The following NBPF10 variants were observed in gnomAD, a reference collection of about 807,000 sequenced individuals.
NBPF10 encodes NBPF family member NBPF10.
NBPF10 carries 63 observed loss-of-function variants against 77.9 expected under a neutral mutation model. The observed-to-expected ratio is 0.81, with a 90% CI of 0.66 to 1.00. The LOEUF (loss-of-function observed/expected upper bound fraction) is 1.00. Ranked by LOEUF, NBPF10 falls within the 50% of genes least tolerant of loss-of-function variation. The probability of loss-of-function intolerance (pLI) is 0.00; values close to 1 mark genes in which losing one functional copy is unlikely to be tolerated. For synonymous variants in NBPF10, 146 were observed against 264.5 expected (o/e 0.55, Z 4.35); for missense variants, 522 against 679.8 (o/e 0.77, Z 2.58).
chr1:146,109,305 CAGAT>C (rs1156506051), intron 35 of NBPF10, among the ~76,000 whole-genome samples, 191 bp from the exon 36 acceptor site: 3 of 102,302 alleles, frequency 2.9e-5, no homozygotes, highest in African/African-American at 1.0e-4. Context: ...AAGAGAAAGA[CAGAT>C]AGACACACAC....
chr1:146,123,436 C>T (rs1658308110), intron 17 of NBPF10, among the ~76,000 whole-genome samples, 158 bp from the exon 18 acceptor site: 2 of 21,344 alleles, frequency 9.4e-5, no homozygotes, highest in African/African-American at 2.0e-4. Flanking sequence ...TGGGACAGAA[C>T]AGGGCCAAAT....
At chr1:146,137,043 G>C (rs1328010947) in intron 6 of NBPF10, among the ~76,000 whole-genome samples, 3 of 137,662 alleles carry the variant, frequency 2.2e-5, no homozygotes, top group African/African-American at 7.4e-5. Flanking sequence ...TGTTAATTTA[G>C]AAACAGCAGA....
exon 14 of NBPF10, chr1:146,126,266 G>C (rs1553789863): frequency 3.7e-6 from 6 of 1,608,466 alleles, no homozygotes; most frequent in Non-Finnish European, 4.2e-6. Context: ...CCAACACGCT[G>C]TTGCTCCAAT....
rs782058523 is a variant in NBPF10 at position 146,127,127 on chromosome 1, A to T, written c.1802-48T>A. ...CCTCTTACATTAAGTTCTTCCTTGC[A>T]CACAGAAACATTCCTCTGTCCAATC... is the stretch of plus-strand genomic sequence containing the variant. On this transcript the variant is annotated intron_variant, in intron 12 of 89. Transcript: ENST00000583866. 16 of 476,502 alleles carry T rather than the reference A, an allele frequency of 3.4e-5. 2 individuals are homozygous for T. In the East Asian group the frequency reaches 5.1e-4, roughly 15 times the overall value. The allele number at this position is 476,502 out of a possible 1,614,324, so 29.5% of individuals were successfully genotyped here.
intron 2 of NBPF10, among the ~76,000 whole-genome samples, chr1:146,142,293 G>A (rs148286595): frequency 0.11 from 13,240 of 116,250 alleles, 1,295 homozygotes; most frequent in Middle Eastern, 0.22. Context: ...ATGAGAAGAC[G>A]CAGTCAGTCA....
chr1:146,067,583 C>T (rs1222856100), intron 88 of NBPF10, among the ~76,000 whole-genome samples: 6 of 150,202 alleles, frequency 4.0e-5, no homozygotes, highest in African/African-American at 1.2e-4. Context: ...AAGCAAATAC[C>T]CTCAATGATT....
intron 71 of NBPF10, among the ~76,000 whole-genome samples, 197 bp from the exon 72 acceptor site, chr1:146,080,974 GACAC>G (rs369325772): frequency 1.5e-3 from 70 of 45,832 alleles, no homozygotes; most frequent in Non-Finnish European, 2.0e-3. Flanking sequence ...AAGACAGATA[GACAC>G]ACACACACAC....
At chr1:146,067,864 A>T (rs1322776299) in intron 88 of NBPF10, 139 bp downstream of exon 88, 4 of 697,724 alleles carry the variant, frequency 5.7e-6, no homozygotes, top group Non-Finnish European at 7.8e-6. Flanking sequence ...CTACAGTTTC[A>T]TTACAACCTA....
intron 13 of NBPF10, among the ~76,000 whole-genome samples, chr1:146,126,639 C>G (rs868959258): frequency 5.7e-5 from 6 of 105,276 alleles, no homozygotes; most frequent in African/African-American, 1.3e-4. Context: ...ACACACAGAG[C>G]GAGCTCAGTC....
chr1:146,126,413 A>G lies in NBPF10; in HGVS notation c.1854-5T>C. The G allele has an allele frequency of 4.4e-6, 5 of 1,127,950 alleles. No individual in the cohort carries two copies. In the South Asian group the frequency reaches 5.0e-5, roughly 11 times the overall value. 69.9% of individuals were successfully genotyped at this position (1,127,950 alleles called of 1,614,324 possible). Reference sequence around the variant, plus strand: ...TCCAGCAGCTCCCTGCTGAGCGTGGAAAAGTAGGAAAAAGTAAAGAATAAG... The same window carrying G: ...TCCAGCAGCTCCCTGCTGAGCGTGGGAAAGTAGGAAAAAGTAAAGAATAAG... On this transcript the variant is annotated splice_region_variant and splice_polypyrimidine_tract_variant and intron_variant, in intron 13 of 89. Transcript: ENST00000583866.
chr1:146,067,951 C>G (rs868929715), intron 88 of NBPF10, 52 bp downstream of exon 88: 3 of 643,792 alleles, frequency 4.7e-6, no homozygotes, highest in South Asian at 3.1e-5. Context: ...GAATATCACC[C>G]CTATCTGGAA....
intron 2 of NBPF10, 45 bp from the exon 3 acceptor site, chr1:146,141,863 G>A (rs782788178): frequency 2.5e-6 from 3 of 1,186,870 alleles, no homozygotes; most frequent in South Asian, 2.6e-5. Flanking sequence ...AAAGGGTTGA[G>A]TGATCCGTTC....
At chr1:146,072,191 C>T (rs1655772233) in intron 82 of NBPF10, among the ~76,000 whole-genome samples, 172 bp from the exon 83 acceptor site, 1 of 19,586 alleles carries the variant, frequency 5.1e-5, no homozygotes, top group African/African-American at 3.3e-4. Context: ...CTTTGGTTTA[C>T]ATCTCAGAAC....
chr1:146,067,914 C>T (rs868995559), intron 88 of NBPF10, 89 bp downstream of exon 88: 88 of 706,048 alleles, frequency 1.2e-4, no homozygotes, highest in African/African-American at 6.5e-4. Flanking sequence ...TGACGTCTCT[C>T]GGGTCAGCAA....
chr1:146,068,374 GGA>G (rs1398288527), intron 87 of NBPF10, among the ~76,000 whole-genome samples, 199 bp from the exon 88 acceptor site: 1 of 17,412 alleles, frequency 5.7e-5, no homozygotes, highest in Admixed American at 7.9e-4. Flanking sequence ...ACAGGGAGAG[GGA>G]GAGAGAGAGA....
chr1:146,129,957 G>C (rs1205152936), intron 11 of NBPF10, among the ~76,000 whole-genome samples: 2 of 92,758 alleles, frequency 2.2e-5, no homozygotes, highest in Non-Finnish European at 4.3e-5. Context: ...CAACGTGCAG[G>C]TTAGTTACAT....
intron 2 of NBPF10, among the ~76,000 whole-genome samples, chr1:146,142,360 A>T (rs1571237309): frequency 7.5e-6 from 1 of 133,060 alleles, no homozygotes; most frequent in African/African-American, 2.5e-5. Context: ...TTTTGATTAT[A>T]CTGAATGCTG....
chr1:146,126,360 G>C (rs782281352), exon 14 of NBPF10: 2 of 1,388,754 alleles, frequency 1.4e-6, no homozygotes, highest in East Asian at 4.5e-5. Context: ...TATCCTGTGA[G>C]TCCTGCAAGA....
chr1:146,067,466 T>A (rs1260443008), intron 88 of NBPF10, among the ~76,000 whole-genome samples, 178 bp from the exon 89 acceptor site: 1 of 135,830 alleles, frequency 7.4e-6, no homozygotes, highest in East Asian at 2.1e-4. Context: ...TCGGTTTTTC[T>A]CCCAGAAACT....
Sources: gnomAD v4.1 joint callset for allele counts (sites outside exome capture counted in the v4.1 genomes callset) on GRCh38, gnomAD v4.1.1 for gene constraint, MANE v1.5 for transcripts, NCBI Gene and HGNC (gene_info 2026-07-23, HGNC 2026-07-21) for gene names.